TNRC6B: variants seen among roughly 807,000 people sequenced by gnomAD.
TNRC6B encodes the protein trinucleotide repeat-containing gene 6B protein.
A neutral mutation model predicts 203.6 loss-of-function variants in TNRC6B; 52 were observed. The observed-to-expected ratio is 0.26, with a 90% CI of 0.20 to 0.32. The LOEUF is 0.32. Ranked by LOEUF, TNRC6B falls within the 10% of genes least tolerant of loss-of-function variation. The pLI is 1.00. For synonymous variants in TNRC6B, 838 were observed against 845.7 expected (o/e 0.99, Z 0.16); for missense variants, 1,923 against 2,286.2 (o/e 0.84, Z 3.24).
chr22:40,243,254 A>C (rs554624032), intron 1 of TNRC6B, among the ~76,000 whole-genome samples: 1 of 152,350 alleles, frequency 6.6e-6, no homozygotes, highest in Non-Finnish European at 1.5e-5. Flanking sequence ...TGAGACTCAC[A>C]CTATTTGATT....
chr22:40,223,495 C>T (rs1296881187), intron 1 of TNRC6B, among the ~76,000 whole-genome samples: 1 of 152,128 alleles, frequency 6.6e-6, no homozygotes, highest in Non-Finnish European at 1.5e-5. Context: ...TGCGTAAAAG[C>T]CCCCCTTTTC....
intron 1 of TNRC6B, among the ~76,000 whole-genome samples, chr22:40,206,091 C>A (rs1185819816): frequency 6.6e-6 from 1 of 152,164 alleles, no homozygotes; most frequent in African/African-American, 2.4e-5. Context: ...GAGGTTTACA[C>A]ATTTAGGGAA....
At chr22:40,178,589 CT>C (rs1472394693) in intron 1 of TNRC6B, among the ~76,000 whole-genome samples, 1 of 152,130 alleles carries the variant, frequency 6.6e-6, no homozygotes, top group Non-Finnish European at 1.5e-5. Flanking sequence ...ACGGGAAAGC[CT>C]TTTTCTATCT....
At chr22:40,132,969 A>AAAAAATATAAATATATATATATATATAT (rs1282694632) in intron 3 of TNRC6B, among the ~76,000 whole-genome samples, 1 of 78,174 alleles carries the variant, frequency 1.3e-5, no homozygotes, top group Non-Finnish European at 2.6e-5. Flanking sequence ...AAAAAAAAAA[A>AAAAAATATAAATATATATATATATATAT]ATATATATAT....
chr22:40,202,641 C>T (rs1256607320), intron 1 of TNRC6B, among the ~76,000 whole-genome samples: 9 of 152,092 alleles, frequency 5.9e-5, no homozygotes, highest in Non-Finnish European at 1.0e-4. Flanking sequence ...TGGATCAACA[C>T]CTTCATAGCT....
At chr22:40,255,123 A>T (rs1281430435) in intron 3 of TNRC6B, among the ~76,000 whole-genome samples, 6 of 152,198 alleles carry the variant, frequency 3.9e-5, no homozygotes, top group Non-Finnish European at 8.8e-5. Context: ...GTCTTCAAAA[A>T]TTTGAAGGGC....
intron 1 of TNRC6B, among the ~76,000 whole-genome samples, chr22:40,101,826 A>G (rs1431390771): frequency 6.6e-6 from 1 of 152,234 alleles, no homozygotes; most frequent in Non-Finnish European, 1.5e-5. Flanking sequence ...AATGAGATTT[A>G]TTTGAATAAA....
chr22:40,157,167 T>C (rs748766157), intron 4 of TNRC6B, among the ~76,000 whole-genome samples: 96 of 152,114 alleles, frequency 6.3e-4, no homozygotes, highest in Non-Finnish European at 1.0e-3. Context: ...CGTCATAGAA[T>C]GTGAAAAATT....
intron 1 of TNRC6B, among the ~76,000 whole-genome samples, chr22:40,193,386 A>G (rs1260629553): frequency 2.0e-5 from 3 of 152,230 alleles, no homozygotes; most frequent in Non-Finnish European, 4.4e-5. Context: ...AGTGCCTCAT[A>G]TGCTCCAGGA....
At position 40,258,511 on chromosome 22, in the gene TNRC6B, G is replaced by C. The variant is rs552739257; in HGVS notation, c.116-3321G>C. On this transcript the variant is annotated intron_variant, in intron 3 of 22. Transcript: ENST00000454349. ...AGGTGTGATTTAAAAAATAGAGTAA[G>C]AATTCATTCAGGTGCTGAAACACAG... 5.3e-5 allele frequency among the ~76,000 whole-genome samples: 8 copies of C among 152,278 alleles called. No individual in the cohort carries two copies. In the South Asian group the frequency reaches 1.7e-3, roughly 32 times the overall value.
At chr22:40,273,672 G>T (rs2070597183) in intron 7 of TNRC6B, 72 bp downstream of exon 7, 2 of 1,448,362 alleles carry the variant, frequency 1.4e-6, no homozygotes, top group Non-Finnish European at 1.8e-6. Flanking sequence ...TGTTTTGTTT[G>T]TTTTTGTTTT....
intron 3 of TNRC6B, among the ~76,000 whole-genome samples, chr22:40,127,815 G>A (rs1267576400): frequency 1.3e-5 from 2 of 152,116 alleles, no homozygotes; most frequent in African/African-American, 4.8e-5. Context: ...ACGCTGCAGT[G>A]AGCTGTGATC....
chr22:40,160,857 A>G (rs897699536), intron 4 of TNRC6B, among the ~76,000 whole-genome samples: 11 of 152,300 alleles, frequency 7.2e-5, no homozygotes, highest in South Asian at 2.1e-4. Flanking sequence ...GGCATGCACT[A>G]TCATCCCTGG....
intron 1 of TNRC6B, among the ~76,000 whole-genome samples, chr22:40,206,149 T>C (rs1282793349): frequency 6.6e-6 from 1 of 152,146 alleles, no homozygotes; most frequent in Non-Finnish European, 1.5e-5. Flanking sequence ...TAATTTTTTA[T>C]TTTTTGTTTT....
At chr22:40,046,087 A>C (rs1391745543) in intron 1 of TNRC6B, among the ~76,000 whole-genome samples, 3 of 152,222 alleles carry the variant, frequency 2.0e-5, no homozygotes, top group Admixed American at 6.5e-5. Context: ...CCCCACCAAC[A>C]GTTAAGTATA....
chr22:40,169,832 C>A (rs2146365774), intron 4 of TNRC6B, among the ~76,000 whole-genome samples: 1 of 152,226 alleles, frequency 6.6e-6, no homozygotes, highest in South Asian at 2.1e-4. Context: ...ACTCACATAT[C>A]ATATTAAATA....
intron 1 of TNRC6B, among the ~76,000 whole-genome samples, chr22:40,242,243 C>T (rs1569034949): frequency 6.6e-6 from 1 of 151,730 alleles, no homozygotes. Flanking sequence ...GGAATATATA[C>T]TCACATATGT....
In TNRC6B at chr22:40,224,391, A is replaced by G. The variant is rs1601898507; in HGVS notation, c.6-21624A>G. 2.0e-5 allele frequency among the ~76,000 whole-genome samples: 3 copies of G among 152,006 alleles called. No homozygotes were observed. The East Asian group carries it at 5.8e-4, about 29-fold the overall frequency. On this transcript the variant is annotated intron_variant, in intron 1 of 22. Transcript: ENST00000454349. ...GGAGGCTATCTTTCCTTTTCTGTGA[A>G]CTGTCTGTTCATTTCCTTCACCCAT...
At chr22:40,201,595 C>G (rs376505188) in intron 1 of TNRC6B, among the ~76,000 whole-genome samples, 2 of 151,908 alleles carry the variant, frequency 1.3e-5, no homozygotes, top group East Asian at 3.9e-4. Context: ...TCTACTACAC[C>G]TGGCTAATTT....
Sources: gnomAD v4.1 joint callset for allele counts (sites outside exome capture counted in the v4.1 genomes callset) on GRCh38, gnomAD v4.1.1 for gene constraint, MANE v1.5 for transcripts, NCBI Gene and HGNC (gene_info 2026-07-23, HGNC 2026-07-21) for gene names.